Variants in APOBEC3F observed in about 807,000 individuals in gnomAD.
APOBEC3F encodes apolipoprotein B mRNA editing enzyme catalytic subunit 3F, also known as DNA dC->dU-editing enzyme APOBEC-3F.
Under a neutral mutation model 45.8 loss-of-function variants are expected in APOBEC3F, and 34 were observed. The observed-to-expected ratio is 0.74, with a 90% CI of 0.57 to 0.99. The LOEUF (loss-of-function observed/expected upper bound fraction) is 0.99, where lower values mean the gene tolerates loss of function less well. APOBEC3F is among the 50% of genes least tolerant of loss of function. The probability of loss-of-function intolerance (pLI) is 0.00; values close to 1 mark genes in which losing one functional copy is unlikely to be tolerated. For missense variants in APOBEC3F, 459 were observed against 474.1 expected, an observed-to-expected ratio of 0.97 and a Z score of 0.30; for synonymous variants, 192 against 174.4, an observed-to-expected ratio of 1.10 and a Z score of -0.80.
intron 4 of APOBEC3F, among the ~76,000 whole-genome samples, chr22:39,048,508 A>G: frequency 6.6e-6 from 1 of 152,116 alleles, no homozygotes; most frequent in East Asian, 1.9e-4. Context: ...CCCAGTCTCT[A>G]CTAAAAATAC....
At chr22:39,050,565 G>A (rs1465896552) in intron 5 of APOBEC3F, among the ~76,000 whole-genome samples, 1 of 150,686 alleles carries the variant, frequency 6.6e-6, no homozygotes, top group Admixed American at 6.6e-5. Flanking sequence ...ACTTGTGGAA[G>A]AAATTTTAGT....
chr22:39,046,135 C>T (rs1927206847), intron 4 of APOBEC3F, among the ~76,000 whole-genome samples: 1 of 152,184 alleles, frequency 6.6e-6, no homozygotes, highest in East Asian at 1.9e-4. Flanking sequence ...GCCCTGTCCT[C>T]TCTGGCCTTT....
intron 4 of APOBEC3F, among the ~76,000 whole-genome samples, chr22:39,049,088 G>A (rs970723308): frequency 6.6e-6 from 1 of 152,192 alleles, no homozygotes; most frequent in African/African-American, 2.4e-5. Flanking sequence ...GGTGAAATGT[G>A]AGGAAGGAAT....
intron 4 of APOBEC3F, among the ~76,000 whole-genome samples, chr22:39,048,947 T>C (rs151229901): frequency 2.0e-5 from 3 of 151,830 alleles, no homozygotes; most frequent in Non-Finnish European, 4.4e-5. Flanking sequence ...ATCGCGCCAC[T>C]GCACTCCAGC....
chr22:39,049,388 G>T (rs1429270240), intron 4 of APOBEC3F, 37 bp from the exon 5 acceptor site: 1 of 1,607,704 alleles, frequency 6.2e-7, no homozygotes, highest in African/African-American at 1.3e-5. Flanking sequence ...GAATCCAGGG[G>T]GGTCTCTGCA....
intron 2 of APOBEC3F, chr22:39,043,955 G>A (rs751965965): frequency 4.6e-4 from 611 of 1,327,666 alleles, no homozygotes; most frequent in Non-Finnish European, 5.6e-4. Context: ...AACCCATGAG[G>A]CAGAGGTTGT....
rs1044974859 is a variant in APOBEC3F at position 39,042,959 on chromosome 22, C to T, written c.40C>T (p.Arg14Ter). 7 of 1,613,898 alleles carry T rather than the reference C, an allele frequency of 4.3e-6. No individual in the cohort carries two copies. The highest frequency in any genetic ancestry group is 4.0e-5 in the African/African-American group (3 of 74,906). Residue 14 changes from arginine (R) to a stop codon, truncating the protein, a stop_gained, in exon 2 of 7, where the codon CGA (arginine) becomes TGA (stop). Transcript: ENST00000308521. LOFTEE classifies it high-confidence loss of function. ...CAGAAACACAGTGGAGCGAATGTATCGAGACACATTCTCCTACAACTTTTA... is the reference window on the plus strand; with the variant it reads ...CAGAAACACAGTGGAGCGAATGTATTGAGACACATTCTCCTACAACTTTTA... ...HFRNTVERMYRDTFSYNFYNR... is the reference protein window; with the variant it reads ...HFRNTVERMY
intron 2 of APOBEC3F, among the ~76,000 whole-genome samples, chr22:39,043,378 G>A (rs1459410425): frequency 6.7e-6 from 1 of 148,712 alleles, no homozygotes; most frequent in East Asian, 2.0e-4. Context: ...TCGGCTCACA[G>A]CAACCTCTGC....
chr22:39,052,522 G>A (rs1443891519), intron 6 of APOBEC3F, 55 bp from the exon 7 acceptor site: 2 of 1,585,036 alleles, frequency 1.3e-6, no homozygotes, highest in East Asian at 4.5e-5. Context: ...GGAGGGCCCA[G>A]GGCTGGGAGA....
At position 39,044,128 on chromosome 22, in the gene APOBEC3F, C is replaced by G. The variant is rs759889906; in HGVS notation, c.172-813C>G. On this transcript the variant is annotated intron_variant, in intron 2 of 6. Coordinates refer to ENST00000308521, the MANE Select transcript of APOBEC3F (RefSeq NM_145298.6). ...AGCCCCATTTCAAGTGCTCAGTAGC[C>G]CCTTTGGCCAGTGCGCCCCACCACA... 3 of 1,565,476 alleles carry G rather than the reference C, an allele frequency of 1.9e-6. No homozygotes were observed. The East Asian group carries it at 7.2e-5, about 37-fold the overall frequency.
At chr22:39,051,697 G>A (rs1927494648) in intron 5 of APOBEC3F, among the ~76,000 whole-genome samples, 1 of 152,132 alleles carries the variant, frequency 6.6e-6, no homozygotes, top group Admixed American at 6.5e-5. Flanking sequence ...TATGCTCATA[G>A]TCGCAGAGTT....
Position 39,052,987 on chromosome 22 carries a change from TA to T in APOBEC3F, c.*293del, listed in dbSNP as rs200364756. The T allele has an allele frequency of 0.04, 10,129 of 255,942 alleles. 295 individuals carry two copies. Among genetic ancestry groups the T allele is most frequent in the East Asian group, 0.12 (1,044 of 8,606 alleles). The allele number at this position is 255,942 out of a possible 1,614,324, so 15.9% of individuals were successfully genotyped here. A position where few individuals can be genotyped will look rare whatever the true frequency, so the allele number is the denominator to read the frequency against. On this transcript the variant is annotated 3_prime_UTR_variant, in exon 7 of 7. Coordinates refer to ENST00000308521, the MANE Select transcript of APOBEC3F (RefSeq NM_145298.6). The stretch of plus-strand genomic sequence containing the variant: ...TTCCCATCTCCCCAGCATAACCTAA[TA>T]TTTTTTTTTTTTTTTTGAGACGGAA...
At position 39,040,904 on chromosome 22, in the gene APOBEC3F, G is replaced by A; in HGVS notation, c.-57G>A. On this transcript the variant is annotated 5_prime_UTR_variant, in exon 1 of 7. Coordinates refer to ENST00000308521, the MANE Select transcript of APOBEC3F (RefSeq NM_145298.6). ...GTCCTGAAACCTGGAGCCTGGAGCAGAAAGTGAAACCCTGGTGCTCCAGAC... is the reference window on the plus strand; with the variant it reads ...GTCCTGAAACCTGGAGCCTGGAGCAAAAAGTGAAACCCTGGTGCTCCAGAC... The A allele has an allele frequency of 1.3e-6, 2 of 1,554,828 alleles. No individual in the cohort carries two copies. The highest frequency in any genetic ancestry group is 1.7e-6 in the Non-Finnish European group (2 of 1,148,526).
chr22:39,047,629 G>T (rs1927286899), intron 4 of APOBEC3F, among the ~76,000 whole-genome samples: 1 of 151,736 alleles, frequency 6.6e-6, no homozygotes, highest in Non-Finnish European at 1.5e-5. Context: ...CTCCCCTCTG[G>T]TTCCTCTGCT....
Position 39,054,367 on chromosome 22 carries a change from G to T in APOBEC3F, c.*1672G>T, listed in dbSNP as rs1387632709. Among the ~76,000 whole-genome samples the T allele has an allele frequency of 6.6e-6, 1 of 152,176 alleles. No individual in the cohort carries two copies. The highest frequency in any genetic ancestry group is 1.5e-5 in the Non-Finnish European group (1 of 68,044). On this transcript the variant is annotated 3_prime_UTR_variant, in exon 7 of 7. Coordinates refer to ENST00000308521, the MANE Select transcript of APOBEC3F (RefSeq NM_145298.6). ...CTACCTAAGCCTCCCAAGTAGCTGGGATTACATGCGCGTGCCACCACGCCT... is the reference window on the plus strand; with the variant it reads ...CTACCTAAGCCTCCCAAGTAGCTGGTATTACATGCGCGTGCCACCACGCCT...
At chr22:39,042,343 C>T (rs1292933084) in intron 1 of APOBEC3F, among the ~76,000 whole-genome samples, 1 of 140,168 alleles carries the variant, frequency 7.1e-6, no homozygotes, top group Non-Finnish European at 1.5e-5. Flanking sequence ...TGGAGTTTCG[C>T]TCTTGTAGCC....
Position 39,045,041 on chromosome 22 carries a change from T to C in APOBEC3F, c.272T>C (p.Val91Ala), listed in dbSNP as rs1365074234. Residue 91 changes from valine (V) to alanine (A), a missense_variant, in exon 3 of 7, where the codon GTA (valine) becomes GCA (alanine). By Grantham distance (64) the Val-to-Ala change is moderately conservative. Coordinates refer to ENST00000308521, the MANE Select transcript of APOBEC3F (RefSeq NM_145298.6). Reference protein sequence around the residue: ...AYKCFQITWFVSWTPCPDCVA... With the variant: ...AYKCFQITWFASWTPCPDCVA... ...AAGTGTTTCCAGATCACCTGGTTTGTATCCTGGACCCCCTGCCCGGACTGT... is the reference window on the plus strand; with the variant it reads ...AAGTGTTTCCAGATCACCTGGTTTGCATCCTGGACCCCCTGCCCGGACTGT... The C allele has an allele frequency of 1.9e-6, 3 of 1,614,020 alleles. No individual in the cohort carries two copies. In the Admixed American group the frequency reaches 5.0e-5, roughly 27 times the overall value.
chr22:39,049,669 C>A, intron 5 of APOBEC3F, 88 bp downstream of exon 5: 1 of 1,397,452 alleles, frequency 7.2e-7, no homozygotes, highest in Non-Finnish European at 9.8e-7. Context: ...CTGGCGTGGG[C>A]TTTCCTGTGT....
chr22:39,043,412 C>T (rs1927027072), intron 2 of APOBEC3F, among the ~76,000 whole-genome samples: 1 of 150,156 alleles, frequency 6.7e-6, no homozygotes, highest in Non-Finnish European at 1.5e-5. Context: ...GCGATGCTGT[C>T]GCCTAAGACT....
Sources: gnomAD v4.1 joint callset for allele counts (sites outside exome capture counted in the v4.1 genomes callset) on GRCh38, gnomAD v4.1.1 for gene constraint, MANE v1.5 for transcripts, NCBI Gene and HGNC (gene_info 2026-07-23, HGNC 2026-07-21) for gene names.